FBXO9: variants seen among roughly 807,000 people sequenced by gnomAD.
The protein encoded by FBXO9 is F-box only protein 9.
Under a neutral mutation model 63.7 loss-of-function variants are expected in FBXO9, and 43 were observed. That is an observed-to-expected ratio of 0.67 (90% CI 0.53 to 0.87). The LOEUF is 0.87. Ranked by LOEUF, FBXO9 falls within the 40% of genes least tolerant of loss-of-function variation. FBXO9 has a pLI of 0.00. For missense variants in FBXO9, 442 were observed against 533.2 expected (o/e 0.83, Z 1.68); for synonymous variants, 156 against 171.7 (o/e 0.91, Z 0.72).
At chr6:53,073,441 C>T in intron 2 of FBXO9, 40 bp from the exon 3 acceptor site, 1 of 1,587,768 alleles carries the variant, frequency 6.3e-7, no homozygotes, top group Non-Finnish European at 8.6e-7. Flanking sequence ...AGTTGAGCTA[C>T]CCTTCCTTGA....
At position 53,073,547 on chromosome 6, in the gene FBXO9, T is replaced by G; in HGVS notation, c.157T>G (p.Leu53Val). The stretch of plus-strand genomic sequence containing the variant: ...TGCTCCAGGTGTAAGCTCTAGCAAT[T>G]TAGAAAATCGACCTTGCAGAGCAGC... ...ELAPGVSSSN[L>V]ENRPCRAARG... Residue 53 changes from leucine to valine, a missense_variant, in exon 3 of 13, where the codon TTA becomes GTA. This residue lies in a region of FBXO9 where 180 missense variants were observed against 171.1 expected (regional missense o/e 1.05). Coordinates refer to ENST00000323557, the MANE Select transcript of FBXO9 (RefSeq NM_033480.3). 3.1e-6 allele frequency: 5 copies of G among 1,613,480 alleles called. No homozygotes were observed. Among genetic ancestry groups the G allele is most frequent in the Non-Finnish European group, 4.2e-6 (5 of 1,179,672 alleles).
intron 7 of FBXO9, among the ~76,000 whole-genome samples, chr6:53,084,492 T>TA (rs1769411591): frequency 6.6e-6 from 1 of 152,232 alleles, no homozygotes; most frequent in African/African-American, 2.4e-5. Context: ...GTAAAAGTCT[T>TA]ATGATATGGT....
intron 1 of FBXO9, among the ~76,000 whole-genome samples, chr6:53,068,879 G>C (rs1470233465): frequency 1.3e-5 from 2 of 151,964 alleles, no homozygotes; most frequent in Non-Finnish European, 2.9e-5. Flanking sequence ...CAAACTCCTG[G>C]GCTCAAGCAG....
intron 7 of FBXO9, among the ~76,000 whole-genome samples, chr6:53,087,663 A>C (rs1440485022): frequency 2.0e-5 from 3 of 152,228 alleles, no homozygotes; most frequent in Non-Finnish European, 4.4e-5. Context: ...TCCAACCTGG[A>C]ACTAGGGAAA....
At chr6:53,076,178 CA>C (rs1769103095) in intron 3 of FBXO9, among the ~76,000 whole-genome samples, 1 of 152,162 alleles carries the variant, frequency 6.6e-6, no homozygotes, top group African/African-American at 2.4e-5. Flanking sequence ...TTAATTTTGA[CA>C]AGGTCCAGTT....
In FBXO9 at chr6:53,095,564, G is replaced by C; in HGVS notation, c.1105G>C (p.Ala369Pro). Residue 369 changes from alanine to proline, a missense_variant, in exon 12 of 13, where the codon GCA becomes CCA. By Grantham distance (27) the Ala-to-Pro change is conservative. Around this residue, in one of 2 missense-constraint regions of FBXO9, gnomAD observed 262 missense variants for 362.1 expected, o/e 0.72. Coordinates refer to ENST00000323557, the MANE Select transcript of FBXO9 (RefSeq NM_033480.3). ...RYFRRVPVQE[A>P]DQSFHVGLQL... ...TTTTCGTCGTGTCCCTGTACAAGAA[G>C]CAGATCAGAGTTTTCATGTGGGGCT... 2 of 1,613,680 alleles carry C rather than the reference G, an allele frequency of 1.2e-6. No individual in the cohort carries two copies. Among genetic ancestry groups the C allele is most frequent in the Non-Finnish European group, 1.7e-6 (2 of 1,179,786 alleles).
At chr6:53,079,122 A>G (rs775821986) in intron 5 of FBXO9, among the ~76,000 whole-genome samples, 2 of 152,176 alleles carry the variant, frequency 1.3e-5, no homozygotes, top group African/African-American at 2.4e-5. Context: ...AAAAATAAAC[A>G]GATACAAAAA....
chr6:53,081,010 G>T lies in FBXO9; in HGVS notation c.450G>T (p.Leu150Phe), dbSNP rs1769291928. 1.2e-6 allele frequency: 2 copies of T among 1,613,578 alleles called. No homozygotes were observed. Among genetic ancestry groups the T allele is most frequent in the African/African-American group, 1.3e-5 (1 of 74,912 alleles). The change falls in exon 6 of 13, where the codon TTG becomes TTT. Residue 150 changes from leucine (L) to phenylalanine (F), a missense_variant. By Grantham distance (22) the Leu-to-Phe change is conservative. Transcript: ENST00000323557. ...NDDDSKMADL[L>F]SYFQQQLTFQ... ...ATGACAGCAAAATGGCAGATCTCTT[G>T]TCCTACTTCCAGCAGCAACTCACAT...
At chr6:53,067,693 A>G (rs1203019794) in intron 1 of FBXO9, among the ~76,000 whole-genome samples, 3 of 152,188 alleles carry the variant, frequency 2.0e-5, no homozygotes, top group Non-Finnish European at 4.4e-5. Context: ...ATAATAAAGC[A>G]GACTCTTGAG....
chr6:53,067,736 A>G (rs1431286222), intron 1 of FBXO9, among the ~76,000 whole-genome samples: 1 of 152,242 alleles, frequency 6.6e-6, no homozygotes, highest in Non-Finnish European at 1.5e-5. Flanking sequence ...AGTGGGATTT[A>G]TACGCTCAGT....
intron 4 of FBXO9, among the ~76,000 whole-genome samples, chr6:53,077,080 A>G (rs1192680751): frequency 2.0e-5 from 3 of 152,108 alleles, no homozygotes; most frequent in Admixed American, 6.6e-5. Flanking sequence ...TGCTCTTTTT[A>G]TAGGTGAAAA....
intron 4 of FBXO9, among the ~76,000 whole-genome samples, chr6:53,078,214 C>G (rs181248266): frequency 1.9e-3 from 291 of 152,236 alleles, no homozygotes; most frequent in African/African-American, 6.6e-3. Flanking sequence ...AGCACTTTGG[C>G]AGGCTGAGGC....
chr6:53,073,705 A>G (rs1293740316), intron 3 of FBXO9, 66 bp downstream of exon 3: 18 of 1,357,354 alleles, frequency 1.3e-5, no homozygotes, highest in Non-Finnish European at 1.8e-5. Context: ...ATTTTCACTG[A>G]CACAGTAAGT....
intron 7 of FBXO9, among the ~76,000 whole-genome samples, chr6:53,085,658 G>A (rs762568739): frequency 6.6e-6 from 1 of 150,498 alleles, no homozygotes; most frequent in East Asian, 1.9e-4. Context: ...ATAACTAATA[G>A]CATACTAGAT....
chr6:53,095,747 A>G (rs563833264), intron 12 of FBXO9, 83 bp downstream of exon 12: 3 of 1,342,796 alleles, frequency 2.2e-6, no homozygotes, highest in Non-Finnish European at 3.0e-6. Flanking sequence ...ATATGTTTCT[A>G]ATTTCTCAGA....
chr6:53,077,245 C>CG (rs1331369859), intron 4 of FBXO9, among the ~76,000 whole-genome samples: 1 of 151,828 alleles, frequency 6.6e-6, no homozygotes, highest in Non-Finnish European at 1.5e-5. Flanking sequence ...GAGGCCGAGG[C>CG]GGGCGGATCA....
At chr6:53,093,028 CT>C (rs1400173267) in intron 9 of FBXO9, 1 of 446,492 alleles carries the variant, frequency 2.2e-6, no homozygotes, top group Admixed American at 3.9e-5. Context: ...TAGATTTCTT[CT>C]TGTCTTTTGC....
At chr6:53,070,528 A>G (rs1320863914) in intron 1 of FBXO9, among the ~76,000 whole-genome samples, 1 of 152,052 alleles carries the variant, frequency 6.6e-6, no homozygotes, top group Non-Finnish European at 1.5e-5. Context: ...TATTTGGGGG[A>G]AAAAAAGCAA....
chr6:53,078,706 G>T, intron 4 of FBXO9, 93 bp from the exon 5 acceptor site: 1 of 908,844 alleles, frequency 1.1e-6, no homozygotes. Context: ...CGTTTGTAAA[G>T]AAAGTTACCA....
Sources: gnomAD v4.1 joint callset for allele counts (sites outside exome capture counted in the v4.1 genomes callset) on GRCh38, gnomAD v4.1.1 for gene constraint, gnomAD v4.1.1 regional missense constraint, MANE v1.5 for transcripts, NCBI Gene and HGNC (gene_info 2026-07-23, HGNC 2026-07-21) for gene names.